MAML3: variants seen among roughly 807,000 people sequenced by gnomAD.
MAML3 encodes mastermind-like protein 3.
Under a neutral mutation model 101.9 loss-of-function variants are expected in MAML3, and 27 were observed. The ratio of observed to expected loss-of-function variants is 0.27; its 90% confidence interval spans 0.20 to 0.37. MAML3 has a LOEUF of 0.37. Among genes scored for constraint, MAML3 ranks in the 10% least tolerant of loss-of-function variants. MAML3 has a pLI of 1.00. For missense variants in MAML3, 1,316 were observed against 1,444.9 expected (o/e 0.91, Z 1.45); for synonymous variants, 501 against 555.9 (o/e 0.90, Z 1.39).
At chr4:139,994,637 G>A in intron 1 of MAML3, among the ~76,000 whole-genome samples, 1 of 152,066 alleles carries the variant, frequency 6.6e-6, no homozygotes, top group East Asian at 1.9e-4. Context: ...TCCAGCCTGG[G>A]CAACAGAGAG....
intron 1 of MAML3, among the ~76,000 whole-genome samples, chr4:139,957,659 C>G (rs1733939612): frequency 6.6e-6 from 1 of 152,202 alleles, no homozygotes; most frequent in Admixed American, 6.5e-5. Flanking sequence ...TTATACCCAA[C>G]AAACGGAGAG....
intron 1 of MAML3, among the ~76,000 whole-genome samples, chr4:140,092,244 G>A (rs1285836286): frequency 6.6e-6 from 1 of 151,730 alleles, no homozygotes; most frequent in Non-Finnish European, 1.5e-5. Flanking sequence ...AGCATCAACA[G>A]GTGCCTTCCT....
Position 139,798,025 on chromosome 4 carries a change from G to GGAGAGAGA in MAML3, c.2080-67366_2080-67359dup, listed in dbSNP as rs373492658. ...AAAAGAAAGAAAGGAAGGAAAGAAA[G>GGAGAGAGA]GAGAGAGAGAGAAAGAAAGAAAGAA... On this transcript the variant is annotated intron_variant, in intron 2 of 4. Transcript: ENST00000509479. Among the ~76,000 whole-genome samples the GGAGAGAGA allele has an allele frequency of 2.4e-3, 304 of 128,802 alleles. 1 individual carries two copies. Among genetic ancestry groups the GGAGAGAGA allele is most frequent in the Middle Eastern group, 7.4e-3 (2 of 272 alleles). The allele number at this position is 128,802 out of a possible 152,430, so 84.5% of individuals were successfully genotyped here. A position where few individuals can be genotyped will look rare whatever the true frequency, so the allele number is the denominator to read the frequency against.
intron 2 of MAML3, among the ~76,000 whole-genome samples, chr4:139,768,132 A>G (rs774672452): frequency 4.6e-5 from 7 of 151,686 alleles, no homozygotes; most frequent in Non-Finnish European, 1.0e-4. Context: ...TAAGTTCCTT[A>G]TAGATTTTGG....
chr4:139,849,274 T>C (rs1731507125), intron 2 of MAML3, among the ~76,000 whole-genome samples: 1 of 152,190 alleles, frequency 6.6e-6, no homozygotes, highest in African/African-American at 2.4e-5. Context: ...AAGTTAGGTT[T>C]GTGATTCTAT....
At chr4:139,723,679 C>T (rs1480247832) in intron 4 of MAML3, among the ~76,000 whole-genome samples, 1 of 152,154 alleles carries the variant, frequency 6.6e-6, no homozygotes, top group Non-Finnish European at 1.5e-5. Flanking sequence ...TTCTGTAACA[C>T]AGGGGAATTA....
chr4:140,072,179 C>T (rs748288413), intron 1 of MAML3, among the ~76,000 whole-genome samples: 2 of 152,078 alleles, frequency 1.3e-5, no homozygotes, highest in South Asian at 2.1e-4. Flanking sequence ...GTCAGCCCTC[C>T]GTATTCATGG....
intron 1 of MAML3, among the ~76,000 whole-genome samples, chr4:140,074,750 G>A (rs1727739397): frequency 2.0e-5 from 3 of 152,152 alleles, no homozygotes; most frequent in Admixed American, 1.3e-4. Flanking sequence ...TCACAGTCAG[G>A]AATGACGGTG....
chr4:140,057,892 A>G (rs544899099), intron 1 of MAML3, among the ~76,000 whole-genome samples: 6 of 152,148 alleles, frequency 3.9e-5, no homozygotes, highest in African/African-American at 1.2e-4. Context: ...GAGGATCTCA[A>G]AGTGACTCCA....
chr4:139,993,687 G>T lies in MAML3; in HGVS notation c.469-102720C>A, dbSNP rs1294721287. ...CTAAAAATACAAAAAAATTAACTGG[G>T]TGTGGTGGCGGGCACCTGTAATCCC... On this transcript the variant is annotated intron_variant, in intron 1 of 4. Coordinates refer to ENST00000509479, the MANE Select transcript of MAML3 (RefSeq NM_018717.5). 2.6e-5 allele frequency among the ~76,000 whole-genome samples: 4 copies of T among 152,076 alleles called. No individual in the cohort carries two copies. The South Asian group carries it at 6.2e-4, about 24-fold the overall frequency.
intron 1 of MAML3, among the ~76,000 whole-genome samples, chr4:140,115,459 C>A (rs1374223385): frequency 6.6e-6 from 1 of 152,128 alleles, no homozygotes. Flanking sequence ...TGTGGTCATG[C>A]AAATTAATGC....
At chr4:140,027,969 C>T (rs1485102733) in intron 1 of MAML3, among the ~76,000 whole-genome samples, 1 of 152,164 alleles carries the variant, frequency 6.6e-6, no homozygotes, top group Non-Finnish European at 1.5e-5. Flanking sequence ...TCTAATACCT[C>T]ATAGATGTTC....
intron 1 of MAML3, among the ~76,000 whole-genome samples, chr4:140,135,575 C>G (rs1010049135): frequency 1.3e-5 from 2 of 152,228 alleles, no homozygotes; most frequent in Admixed American, 1.3e-4. Flanking sequence ...TCCACATGGC[C>G]TGGGTCAGCC....
chr4:140,049,064 C>T (rs1363483558), intron 1 of MAML3, among the ~76,000 whole-genome samples: 1 of 152,142 alleles, frequency 6.6e-6, no homozygotes, highest in Non-Finnish European at 1.5e-5. Flanking sequence ...AGAGTTTGAG[C>T]TTTGTCAACA....
chr4:140,064,114 C>T (rs544342133), intron 1 of MAML3, among the ~76,000 whole-genome samples: 27 of 152,220 alleles, frequency 1.8e-4, no homozygotes, highest in African/African-American at 4.8e-4. Flanking sequence ...GAAAATCAGA[C>T]GTAAACTTTG....
At chr4:140,042,612 T>G (rs1277937720) in intron 1 of MAML3, among the ~76,000 whole-genome samples, 1 of 149,550 alleles carries the variant, frequency 6.7e-6, no homozygotes, top group African/African-American at 2.5e-5. Flanking sequence ...CCAGCCTGGG[T>G]GAGAGAGAGA....
chr4:139,994,157 T>C (rs979209904), intron 1 of MAML3, among the ~76,000 whole-genome samples: 4 of 152,244 alleles, frequency 2.6e-5, no homozygotes, highest in Admixed American at 2.0e-4. Context: ...AAGCATTTAT[T>C]TCTGGACTCC....
intron 1 of MAML3, among the ~76,000 whole-genome samples, chr4:140,013,976 G>A (rs1164876320): frequency 1.3e-5 from 2 of 152,214 alleles, no homozygotes; most frequent in Non-Finnish European, 2.9e-5. Context: ...TGTTCTGAAA[G>A]CACTTGAGAA....
chr4:139,903,345 C>A (rs755362066), intron 1 of MAML3, among the ~76,000 whole-genome samples: 1 of 152,116 alleles, frequency 6.6e-6, no homozygotes, highest in Admixed American at 6.5e-5. Context: ...CTGTAGAATT[C>A]CCAATATAAT....
Sources: gnomAD v4.1 joint callset for allele counts (sites outside exome capture counted in the v4.1 genomes callset) on GRCh38, gnomAD v4.1.1 for gene constraint, MANE v1.5 for transcripts, NCBI Gene and HGNC (gene_info 2026-07-23, HGNC 2026-07-21) for gene names.